Variants in FOXP1 observed in about 807,000 individuals in gnomAD.
The protein encoded by FOXP1 is forkhead box P1.
FOXP1 carries 15 observed loss-of-function variants against 98.2 expected under a neutral mutation model. The observed-to-expected ratio is 0.15, with a 90% CI of 0.10 to 0.24. The LOEUF is 0.24. Ranked by LOEUF, FOXP1 falls within the 10% of genes least tolerant of loss-of-function variation. The pLI is 1.00. For synonymous variants in FOXP1, 371 were observed against 314.5 expected, an observed-to-expected ratio of 1.18 and a Z score of -1.90; for missense variants, 633 against 848.5, an observed-to-expected ratio of 0.75 and a Z score of 3.15.
At chr3:70,971,160 G>C (rs1007301376) in intron 18 of FOXP1, 1 of 336,824 alleles carries the variant, frequency 3.0e-6, no homozygotes, top group East Asian at 7.3e-5. Flanking sequence ...GGGGAAGGCA[G>C]TGAGCTCACA....
intron 2 of FOXP1, among the ~76,000 whole-genome samples, chr3:71,517,240 A>C (rs1376643498): frequency 2.6e-5 from 4 of 152,222 alleles, no homozygotes; most frequent in African/African-American, 9.6e-5. Context: ...TGATAATGAC[A>C]ACACATCTGC....
intron 4 of FOXP1, among the ~76,000 whole-genome samples, chr3:71,342,769 C>T (rs2077088501): frequency 6.6e-6 from 1 of 151,694 alleles, no homozygotes. Context: ...AATTACAGAC[C>T]ACAAGAAGTT....
At chr3:71,127,147 C>G (rs1039485840) in intron 6 of FOXP1, among the ~76,000 whole-genome samples, 2 of 152,054 alleles carry the variant, frequency 1.3e-5, no homozygotes, top group Non-Finnish European at 2.9e-5. Context: ...GTAAATGGCA[C>G]TTGTCTAATT....
intron 5 of FOXP1, among the ~76,000 whole-genome samples, chr3:71,273,702 G>A (rs1360522598): frequency 2.0e-5 from 3 of 151,868 alleles, no homozygotes; most frequent in African/African-American, 4.8e-5. Flanking sequence ...CAGACAATGA[G>A]CAAAAAAAGA....
At chr3:71,242,499 A>G (rs2067368223) in intron 5 of FOXP1, among the ~76,000 whole-genome samples, 1 of 152,244 alleles carries the variant, frequency 6.6e-6, no homozygotes, top group Admixed American at 6.5e-5. Context: ...GGCTGGAATC[A>G]GCATGCACAC....
intron 6 of FOXP1, among the ~76,000 whole-genome samples, chr3:71,188,751 T>G (rs767690480): frequency 6.6e-6 from 1 of 152,160 alleles, no homozygotes; most frequent in Non-Finnish European, 1.5e-5. Flanking sequence ...ACAACTCAGT[T>G]GTGTTTGTGT....
At chr3:71,014,641 G>C (rs865798786) in intron 12 of FOXP1, among the ~76,000 whole-genome samples, 1 of 152,054 alleles carries the variant, frequency 6.6e-6, no homozygotes, top group Non-Finnish European at 1.5e-5. Flanking sequence ...CCCATTACTG[G>C]GTATATACCC....
chr3:71,472,340 C>A (rs1560532953), intron 3 of FOXP1, among the ~76,000 whole-genome samples: 1 of 151,852 alleles, frequency 6.6e-6, no homozygotes. Flanking sequence ...AATAAACACT[C>A]GACACAAACC....
intron 2 of FOXP1, among the ~76,000 whole-genome samples, chr3:71,503,635 G>A (rs1373628426): frequency 6.8e-6 from 1 of 145,994 alleles, no homozygotes; most frequent in Non-Finnish European, 1.5e-5. Flanking sequence ...CACGAATTAA[G>A]GTTGTAGCAC....
intron 5 of FOXP1, among the ~76,000 whole-genome samples, chr3:71,284,456 C>A (rs1038942775): frequency 6.6e-6 from 1 of 151,972 alleles, no homozygotes; most frequent in South Asian, 2.1e-4. Flanking sequence ...CTAAGCTACT[C>A]GGGAGCTGAT....
chr3:71,480,470 G>A (rs1225665705), intron 3 of FOXP1, among the ~76,000 whole-genome samples: 4 of 152,216 alleles, frequency 2.6e-5, no homozygotes, highest in Non-Finnish European at 4.4e-5. Flanking sequence ...TAGGAAGTAG[G>A]TTAAGAACAG....
chr3:71,188,585 T>C (rs1215981035), intron 6 of FOXP1, among the ~76,000 whole-genome samples: 1 of 152,042 alleles, frequency 6.6e-6, no homozygotes, highest in Non-Finnish European at 1.5e-5. Flanking sequence ...GCCCGGCTAA[T>C]TTTTGTACTT....
chr3:71,088,369 C>T (rs1008410162), intron 7 of FOXP1, among the ~76,000 whole-genome samples: 7 of 151,476 alleles, frequency 4.6e-5, no homozygotes, highest in African/African-American at 9.7e-5. Context: ...CATCGTCACA[C>T]AACATGTGGT....
intron 2 of FOXP1, among the ~76,000 whole-genome samples, chr3:71,539,559 A>G (rs2107599352): frequency 6.6e-6 from 1 of 151,838 alleles, no homozygotes; most frequent in East Asian, 1.9e-4. Flanking sequence ...AAATCTGTAG[A>G]TCAACATGGA....
chr3:71,296,421 T>C (rs1048710502), intron 5 of FOXP1: 1 of 152,228 alleles, frequency 6.6e-6, no homozygotes, highest in Admixed American at 6.5e-5. Context: ...AAATTGTATA[T>C]TTCCAACAAA....
At chr3:71,141,266 CAAAAAAAAA>C (rs71621921) in intron 6 of FOXP1, among the ~76,000 whole-genome samples, 1,510 of 71,888 alleles carry the variant, frequency 0.021, 34 homozygotes, top group African/African-American at 0.065. Flanking sequence ...GACTCTGTCT[CAAAAAAAAA>C]AAAAAAAAAA....
intron 4 of FOXP1, among the ~76,000 whole-genome samples, chr3:71,306,631 C>CAAAAAAAAAAAAAAAAAAAA (rs66479255): frequency 7.0e-5 from 3 of 42,852 alleles, no homozygotes; most frequent in African/African-American, 2.6e-4. Flanking sequence ...GAGAATAAGC[C>CAAAAAAAAAAAAAAAAAAAA]AAAAAAAAAA....
chr3:71,583,317 C>A (rs2048338291), intron 1 of FOXP1, among the ~76,000 whole-genome samples: 1 of 151,878 alleles, frequency 6.6e-6, no homozygotes, highest in Non-Finnish European at 1.5e-5. Context: ...ACCCGCGCGC[C>A]GGCCCGCAGC....
chr3:71,274,891 C>A (rs1176951476), intron 5 of FOXP1, among the ~76,000 whole-genome samples: 1 of 152,094 alleles, frequency 6.6e-6, no homozygotes, highest in Non-Finnish European at 1.5e-5. Flanking sequence ...GGCTTGTTGC[C>A]CCTTTAGGTA....
Sources: allele counts gnomAD v4.1 joint callset (sites outside exome capture counted in the v4.1 genomes callset), GRCh38; gene constraint gnomAD v4.1.1; transcripts MANE v1.5; gene names NCBI Gene and HGNC (gene_info 2026-07-23, HGNC 2026-07-21).